Variants in PLB1 observed in about 807,000 individuals in gnomAD.
The protein encoded by PLB1 is phospholipase B1.
PLB1 carries 242 observed loss-of-function variants against 227.4 expected under a neutral mutation model. The ratio of observed to expected loss-of-function variants is 1.06; its 90% confidence interval spans 0.96 to 1.18. The LOEUF is 1.18. Ranked by LOEUF, PLB1 falls within the 50% of genes most tolerant of loss-of-function variation. PLB1 has a pLI of 0.00. For missense variants in PLB1, 1,858 were observed against 1,816.3 expected, an observed-to-expected ratio of 1.02 and a Z score of -0.42; for synonymous variants, 757 against 682.2, an observed-to-expected ratio of 1.11 and a Z score of -1.71.
At chr2:28,628,291 C>G (rs977934527) in intron 51 of PLB1, among the ~76,000 whole-genome samples, 1 of 152,080 alleles carries the variant, frequency 6.6e-6, no homozygotes, top group African/African-American at 2.4e-5. Context: ...AGTGGCAGGA[C>G]CCAGCACTGG....
At chr2:28,575,586 T>C (rs939340673) in intron 21 of PLB1, among the ~76,000 whole-genome samples, 1 of 152,172 alleles carries the variant, frequency 6.6e-6, no homozygotes, top group Non-Finnish European at 1.5e-5. Context: ...TGTTTGTTTG[T>C]TTGAGACAGA....
chr2:28,526,088 C>T, intron 6 of PLB1, 143 bp downstream of exon 6: 1 of 924,436 alleles, frequency 1.1e-6, no homozygotes, highest in South Asian at 1.6e-5. Flanking sequence ...TCTGAGAGGA[C>T]AGATCAGGAA....
intron 26 of PLB1, among the ~76,000 whole-genome samples, chr2:28,589,168 A>C (rs56761466): frequency 0.19 from 28,448 of 149,042 alleles, 3,057 homozygotes; most frequent in African/African-American, 0.31. Flanking sequence ...CTGTCCCCCC[A>C]AAAAAAAAAG....
intron 51 of PLB1, among the ~76,000 whole-genome samples, chr2:28,627,103 G>C (rs910180972): frequency 6.6e-6 from 1 of 152,152 alleles, no homozygotes; most frequent in African/African-American, 2.4e-5. Flanking sequence ...CCCAGCCTCA[G>C]AGATTGTGGT....
chr2:28,642,041 T>A (rs1458479102), intron 57 of PLB1, among the ~76,000 whole-genome samples: 1 of 152,168 alleles, frequency 6.6e-6, no homozygotes, highest in East Asian at 1.9e-4. Context: ...TGGAGGTTCA[T>A]CTTCCATCTG....
At chr2:28,550,685 C>T (rs191051393) in intron 16 of PLB1, among the ~76,000 whole-genome samples, 40 of 151,850 alleles carry the variant, frequency 2.6e-4, no homozygotes, top group Admixed American at 5.9e-4. Flanking sequence ...GGATTATAGG[C>T]GCGCAACACC....
chr2:28,568,182 C>A (rs1677375255), intron 20 of PLB1, among the ~76,000 whole-genome samples: 1 of 152,204 alleles, frequency 6.6e-6, no homozygotes, highest in Middle Eastern at 3.2e-3. Context: ...CACACATGAG[C>A]TATAAATCAG....
intron 54 of PLB1, among the ~76,000 whole-genome samples, chr2:28,631,599 T>C (rs11892836): frequency 0.33 from 50,513 of 152,042 alleles, 8,379 homozygotes; most frequent in Middle Eastern, 0.35. Context: ...GCAAAGTTCA[T>C]GGGCATTTTG....
chr2:28,606,420 A>G (rs1684688256), intron 42 of PLB1, 76 bp from the exon 43 acceptor site: 9 of 1,431,180 alleles, frequency 6.3e-6, no homozygotes, highest in Non-Finnish European at 7.9e-6. Flanking sequence ...TCCCCACTGC[A>G]GGATTCTGCC....
At chr2:28,548,991 C>T in intron 15 of PLB1, 60 bp downstream of exon 15, 1 of 1,498,702 alleles carries the variant, frequency 6.7e-7, no homozygotes, top group Non-Finnish European at 9.3e-7. Flanking sequence ...GTGGGGTGGC[C>T]AAGTGGGCTT....
chr2:28,620,001 G>A (rs567015199), intron 46 of PLB1, among the ~76,000 whole-genome samples: 8 of 152,204 alleles, frequency 5.3e-5, no homozygotes, highest in South Asian at 2.1e-4. Flanking sequence ...TTAGGAACAC[G>A]GCAAAGGGAA....
intron 36 of PLB1, 28 bp downstream of exon 36, chr2:28,600,888 A>G (rs771900987): frequency 6.9e-6 from 11 of 1,591,306 alleles, no homozygotes; most frequent in Non-Finnish European, 8.6e-6. Flanking sequence ...TTATTTCTAA[A>G]CATTAATTTT....
intron 1 of PLB1, among the ~76,000 whole-genome samples, chr2:28,505,104 A>G (rs1261271773): frequency 6.6e-6 from 1 of 152,220 alleles, no homozygotes; most frequent in Non-Finnish European, 1.5e-5. Context: ...AGCACAGTTC[A>G]TGTATAACAG....
intron 14 of PLB1, among the ~76,000 whole-genome samples, chr2:28,546,877 C>G (rs893932311): frequency 2.0e-5 from 3 of 152,048 alleles, no homozygotes; most frequent in Non-Finnish European, 2.9e-5. Flanking sequence ...AGGTTTCTTT[C>G]CAGATTCCAT....
intron 12 of PLB1, among the ~76,000 whole-genome samples, chr2:28,541,276 A>G (rs1296291312): frequency 6.6e-6 from 1 of 152,260 alleles, no homozygotes; most frequent in Non-Finnish European, 1.5e-5. Context: ...TTCTGTTAGC[A>G]TGTGTTAACA....
At chr2:28,638,827 GAA>G (rs35972276) in intron 56 of PLB1, among the ~76,000 whole-genome samples, 6,017 of 63,174 alleles carry the variant, frequency 0.095, 122 homozygotes, top group Non-Finnish European at 0.12. Flanking sequence ...GCTGGAGATT[GAA>G]AAAAAAAAAA....
intron 47 of PLB1, 74 bp downstream of exon 47, chr2:28,620,406 C>G: frequency 6.9e-7 from 1 of 1,440,010 alleles, no homozygotes; most frequent in South Asian, 1.3e-5. Flanking sequence ...TTTCCTGTCA[C>G]CCCTCCAGGG....
rs1374558335 is a variant in PLB1 at position 28,632,785 on chromosome 2, T to C, written c.4003-159T>C. Among the ~76,000 whole-genome samples, 3 of 147,170 alleles carry C rather than the reference T, an allele frequency of 2.0e-5. No individual in the cohort carries two copies. In the East Asian group the frequency reaches 5.8e-4, roughly 28 times the overall value. ...AAAAAGAAAAAAGAAAAAAAGAAATTCTAAATTCTGGGAGTTTTTCCATCA... is the reference window on the plus strand; with the variant it reads ...AAAAAGAAAAAAGAAAAAAAGAAATCCTAAATTCTGGGAGTTTTTCCATCA... On this transcript the variant is annotated intron_variant, in intron 55 of 57. Transcript: ENST00000327757.
intron 11 of PLB1, among the ~76,000 whole-genome samples, chr2:28,540,044 T>C (rs1672259351): frequency 1.8e-5 from 1 of 55,354 alleles, no homozygotes; most frequent in Non-Finnish European, 3.4e-5. Context: ...CTTCCCTCCA[T>C]CCCATACCTA....
Sources: gnomAD v4.1 joint callset for allele counts (sites outside exome capture counted in the v4.1 genomes callset) on GRCh38, gnomAD v4.1.1 for gene constraint, MANE v1.5 for transcripts, NCBI Gene and HGNC (gene_info 2026-07-23, HGNC 2026-07-21) for gene names.